The following MEOX2 variants were observed in gnomAD, a reference collection of about 807,000 sequenced individuals.
MEOX2 encodes the protein mesenchyme homeobox 2.
Under a neutral mutation model 27.0 loss-of-function variants are expected in MEOX2, and 11 were observed. The ratio of observed to expected loss-of-function variants is 0.41; its 90% CI spans 0.26 to 0.68. The LOEUF (loss-of-function observed/expected upper bound fraction) is 0.68, where lower values mean the gene tolerates loss of function less well. MEOX2 is among the 30% of genes least tolerant of loss of function. The pLI is 0.33. For synonymous variants in MEOX2, 189 were observed against 155.4 expected (o/e 1.22, Z -1.61); for missense variants, 436 against 385.4 (o/e 1.13, Z -1.10).
At chr7:15,669,622 G>A (rs896571787) in intron 1 of MEOX2, among the ~76,000 whole-genome samples, 6 of 152,174 alleles carry the variant, frequency 3.9e-5, no homozygotes, top group Admixed American at 2.0e-4. Flanking sequence ...GCTGAATTGC[G>A]TAATGTATGG....
In MEOX2 at chr7:15,676,156, CA is replaced by C. The variant is rs1782188671; in HGVS notation, c.517+9729del. 3 of 152,136 alleles carry C rather than the reference CA, an allele frequency of 2.0e-5. No individual in the cohort carries two copies. The South Asian group carries it at 6.2e-4, about 31-fold the overall frequency. 9.4% of individuals were successfully genotyped at this position (152,136 alleles called of 1,614,324 possible). On this transcript the variant is annotated intron_variant, in intron 1 of 2. Coordinates refer to ENST00000262041, the MANE Select transcript of MEOX2 (RefSeq NM_005924.5). ...GTCAACCACCCAGGACTTGCAATTC[CA>C]GGGGTTTGTTGTTCTCTTTTATCTC...
intron 1 of MEOX2, among the ~76,000 whole-genome samples, chr7:15,628,283 C>G (rs1295556624): frequency 1.3e-5 from 2 of 152,018 alleles, no homozygotes; most frequent in African/African-American, 4.8e-5. Context: ...TGGAAATTCA[C>G]TAGACAAGGC....
At chr7:15,617,868 T>G (rs760604850) in intron 2 of MEOX2, among the ~76,000 whole-genome samples, 6 of 152,114 alleles carry the variant, frequency 3.9e-5, no homozygotes, top group Non-Finnish European at 7.4e-5. Context: ...ATCATAACAT[T>G]TAAAATTACA....
At position 15,685,938 on chromosome 7, in the gene MEOX2, TG is replaced by T. The variant is rs1782373189; in HGVS notation, c.464del (p.Ser155TyrfsTer61). The part of the protein sequence containing the change: ...APGDYGRQAL[S>X]PAEAEKRSGG... ...CGCTTCGCTTCTCCGCCTCCGCAGG[TG>T]ACAGTGCCTGGCGGCCGTAGTCCCC... On this transcript the variant is annotated frameshift_variant, in exon 1 of 3. Transcript: ENST00000262041. LOFTEE classifies it high-confidence loss of function. 1 of 1,611,386 alleles carries T rather than the reference TG, an allele frequency of 6.2e-7. No individual in the cohort carries two copies. The highest frequency in any genetic ancestry group is 1.3e-5 in the African/African-American group (1 of 74,902).
At position 15,685,927 on chromosome 7, in the gene MEOX2, G is replaced by T. The variant is rs577801614; in HGVS notation, c.476C>A (p.Ala159Glu). The change falls in exon 1 of 3, where the codon GCG (alanine) becomes GAG (glutamate). Residue 159 changes from alanine to glutamate, a missense_variant. By Grantham distance (107) the Ala-to-Glu change is moderately radical (BLOSUM62 -1). Coordinates refer to ENST00000262041, the MANE Select transcript of MEOX2 (RefSeq NM_005924.5). ...YGRQALSPAEAEKRSGGKRKS... is the reference protein window; with the variant it reads ...YGRQALSPAEEEKRSGGKRKS... ...CCTCTTGCCGCCGCTTCGCTTCTCC[G>T]CCTCCGCAGGTGACAGTGCCTGGCG... 51 of 1,609,586 alleles carry T rather than the reference G, an allele frequency of 3.2e-5. No individual in the cohort carries two copies. The Middle Eastern group carries it at 5.2e-4, about 16-fold the overall frequency.
chr7:15,634,004 C>A (rs887997968), intron 1 of MEOX2, among the ~76,000 whole-genome samples: 2 of 151,862 alleles, frequency 1.3e-5, no homozygotes, highest in Non-Finnish European at 2.9e-5. Flanking sequence ...ACTTTTAAGA[C>A]ATGTTTACAC....
chr7:15,672,410 C>T (rs1345973379), intron 1 of MEOX2, among the ~76,000 whole-genome samples: 2 of 152,122 alleles, frequency 1.3e-5, no homozygotes, highest in African/African-American at 4.8e-5. Flanking sequence ...GAGGCATTCT[C>T]ACATGTTAGA....
intron 1 of MEOX2, among the ~76,000 whole-genome samples, chr7:15,667,253 T>C (rs1316020863): frequency 8.6e-6 from 1 of 116,536 alleles, no homozygotes; most frequent in African/African-American, 3.3e-5. Flanking sequence ...ATTGCACCAC[T>C]GCACTCCAGC....
chr7:15,653,476 A>G (rs922708558), intron 1 of MEOX2, among the ~76,000 whole-genome samples: 3 of 152,016 alleles, frequency 2.0e-5, no homozygotes, highest in African/African-American at 4.8e-5. Flanking sequence ...AAAACTTGTA[A>G]TTTTGATGAA....
intron 2 of MEOX2, among the ~76,000 whole-genome samples, chr7:15,625,969 A>C (rs139356101): frequency 1.3e-5 from 2 of 152,310 alleles, no homozygotes; most frequent in East Asian, 3.9e-4. Context: ...AATTACTGAC[A>C]CCGATACAAT....
chr7:15,621,938 GA>G (rs1272075340), intron 2 of MEOX2, among the ~76,000 whole-genome samples: 2 of 152,096 alleles, frequency 1.3e-5, no homozygotes, highest in Non-Finnish European at 2.9e-5. Context: ...CCAAGATGGT[GA>G]AACCCCGTCC....
At chr7:15,681,650 G>A (rs1469913469) in intron 1 of MEOX2, 5 of 151,662 alleles carry the variant, frequency 3.3e-5, no homozygotes, top group East Asian at 3.9e-4. Flanking sequence ...TATAATGAAC[G>A]GTCTATGTTT....
chr7:15,674,740 G>T (rs1782164902), intron 1 of MEOX2, among the ~76,000 whole-genome samples: 2 of 152,112 alleles, frequency 1.3e-5, no homozygotes, highest in Admixed American at 1.3e-4. Context: ...TGCTCCAGAG[G>T]TTACACAGTT....
At chr7:15,627,482 A>G (rs1239275058) in intron 1 of MEOX2, among the ~76,000 whole-genome samples, 1 of 152,076 alleles carries the variant, frequency 6.6e-6, no homozygotes, top group Non-Finnish European at 1.5e-5. Context: ...CTTTTATTTT[A>G]TATTATACTT....
At chr7:15,672,400 G>T (rs1398133684) in intron 1 of MEOX2, among the ~76,000 whole-genome samples, 2 of 152,174 alleles carry the variant, frequency 1.3e-5, no homozygotes, top group Non-Finnish European at 2.9e-5. Flanking sequence ...ATAATGTAAT[G>T]AGGCATTCTC....
chr7:15,661,290 G>A (rs566194859), intron 1 of MEOX2, among the ~76,000 whole-genome samples: 1 of 151,988 alleles, frequency 6.6e-6, no homozygotes, highest in Admixed American at 6.6e-5. Flanking sequence ...AATAAACTAA[G>A]AACCGTATTC....
At chr7:15,681,484 A>T (rs978090750) in intron 1 of MEOX2, 1 of 150,446 alleles carries the variant, frequency 6.6e-6, no homozygotes, top group African/African-American at 2.4e-5. Flanking sequence ...GTGCAAAAAA[A>T]AATGTAATTA....
Position 15,626,869 on chromosome 7 carries a change from T to C in MEOX2, c.567A>G (p.Lys189=), listed in dbSNP as rs1232663999. 1 of 1,612,456 alleles carries C rather than the reference T, an allele frequency of 6.2e-7. No homozygotes were observed. The highest frequency in any genetic ancestry group is 8.5e-7 in the Non-Finnish European group (1 of 1,179,458). ...YKSEVNSKPR[K]ERTAFTKEQI... ...GCTCTTTGGTAAATGCTGTCCTTTC[T>C]TTCCTGGGTTTGCTGTTGACTTCTG... The change falls in exon 2 of 3, where the codon AAA becomes AAG. Residue 189 remains lysine (K), a synonymous_variant. Coordinates refer to ENST00000262041, the MANE Select transcript of MEOX2 (RefSeq NM_005924.5).
At chr7:15,633,139 G>A (rs1264970213) in intron 1 of MEOX2, among the ~76,000 whole-genome samples, 3 of 151,842 alleles carry the variant, frequency 2.0e-5, no homozygotes, top group South Asian at 2.1e-4. Context: ...ATACTAGAAC[G>A]TAAGTGTTTG....
Sources: allele counts gnomAD v4.1 joint callset (sites outside exome capture counted in the v4.1 genomes callset), GRCh38; gene constraint gnomAD v4.1.1; transcripts MANE v1.5; gene names NCBI Gene and HGNC (gene_info 2026-07-23, HGNC 2026-07-21).